CNTN3: variants seen among roughly 807,000 people sequenced by gnomAD.
The protein encoded by CNTN3 is contactin-3.
CNTN3 carries 60 observed loss-of-function variants against 119.1 expected under a neutral mutation model. The observed-to-expected ratio is 0.50, with a 90% confidence interval of 0.41 to 0.62. CNTN3 has a LOEUF of 0.62. Among genes scored for constraint, CNTN3 ranks in the 20% least tolerant of loss-of-function variants. CNTN3 has a pLI of 0.00. For synonymous variants in CNTN3, 450 were observed against 438.7 expected (o/e 1.03, Z -0.32); for missense variants, 1,101 against 1,242.4 (o/e 0.89, Z 1.71).
intron 5 of CNTN3, among the ~76,000 whole-genome samples, chr3:74,382,928 G>A (rs1316739037): frequency 2.6e-5 from 4 of 152,144 alleles, no homozygotes; most frequent in African/African-American, 9.6e-5. Context: ...ATCCTCCATT[G>A]TCATTATTTT....
At chr3:74,434,073 T>C (rs1342643833) in intron 4 of CNTN3, among the ~76,000 whole-genome samples, 1 of 152,202 alleles carries the variant, frequency 6.6e-6, no homozygotes, top group Non-Finnish European at 1.5e-5. Context: ...GGTGTCTGCA[T>C]TGCAGAGTTC....
chr3:74,343,714 T>C (rs575222211), intron 11 of CNTN3, among the ~76,000 whole-genome samples: 1 of 152,368 alleles, frequency 6.6e-6, no homozygotes, highest in Admixed American at 6.5e-5. Context: ...GCTAGACATA[T>C]AAGTTGGTAT....
intron 4 of CNTN3, among the ~76,000 whole-genome samples, chr3:74,446,921 C>A (rs910148321): frequency 1.3e-5 from 2 of 151,934 alleles, no homozygotes; most frequent in African/African-American, 4.8e-5. Context: ...ATGTTCTGTA[C>A]AAATGTTCCA....
intron 1 of CNTN3, among the ~76,000 whole-genome samples, chr3:74,561,962 T>A (rs894554303): frequency 1.3e-5 from 2 of 152,178 alleles, no homozygotes; most frequent in African/African-American, 4.8e-5. Flanking sequence ...AAAGGTTGCA[T>A]TGGATTTAGC....
At chr3:74,367,129 A>G (rs1262048167) in intron 8 of CNTN3, among the ~76,000 whole-genome samples, 1 of 151,964 alleles carries the variant, frequency 6.6e-6, no homozygotes, top group Non-Finnish European at 1.5e-5. Context: ...TATTTTTTAC[A>G]TGAAATATTA....
rs113108406 is a variant in CNTN3, at chr3:74,395,038, T to A, written c.455-23639A>T. Among the ~76,000 whole-genome samples the A allele has an allele frequency of 4.3e-4, 66 of 152,304 alleles. 1 individual carries two copies. The highest frequency in any genetic ancestry group is 8.3e-4 in the South Asian group (4 of 4,820). On this transcript the variant is annotated intron_variant, in intron 5 of 22. Coordinates refer to ENST00000263665, the MANE Select transcript of CNTN3 (RefSeq NM_020872.3). ...TATAAATTAATCTAATGATTTTTTT[T>A]AAATTGTAATAAACAAAGTGGCTTG...
intron 19 of CNTN3, among the ~76,000 whole-genome samples, chr3:74,291,048 C>T (rs186103126): frequency 2.0e-5 from 3 of 152,154 alleles, no homozygotes; most frequent in South Asian, 4.2e-4. Flanking sequence ...ATCCCTCCCC[C>T]CTTCCCCCAC....
intron 20 of CNTN3, among the ~76,000 whole-genome samples, chr3:74,276,904 G>C (rs1701891541): frequency 6.6e-6 from 1 of 152,026 alleles, no homozygotes; most frequent in Non-Finnish European, 1.5e-5. Context: ...ACAAAGAAGA[G>C]AGGAGAGAAA....
intron 21 of CNTN3, 65 bp downstream of exon 21, chr3:74,267,201 C>A: frequency 3.1e-6 from 3 of 961,712 alleles, no homozygotes; most frequent in South Asian, 1.3e-5. Context: ...TCACTTATAC[C>A]TAGCTTCTCT....
At chr3:74,464,114 T>C (rs918027943) in intron 4 of CNTN3, among the ~76,000 whole-genome samples, 1 of 152,128 alleles carries the variant, frequency 6.6e-6, no homozygotes, top group Non-Finnish European at 1.5e-5. Flanking sequence ...AATAGTAGGC[T>C]TTCAATACAG....
chr3:74,599,267 A>G (rs1196880043), intron 1 of CNTN3, among the ~76,000 whole-genome samples: 1 of 152,110 alleles, frequency 6.6e-6, no homozygotes, highest in Non-Finnish European at 1.5e-5. Context: ...CTGCTTTGAT[A>G]CTGCTCAATT....
intron 5 of CNTN3, among the ~76,000 whole-genome samples, chr3:74,409,531 T>C (rs1701404227): frequency 6.6e-6 from 1 of 152,114 alleles, no homozygotes; most frequent in Non-Finnish European, 1.5e-5. Flanking sequence ...TTTTTAACAG[T>C]ACTATTAATC....
intron 13 of CNTN3, among the ~76,000 whole-genome samples, chr3:74,334,373 A>G (rs1309678498): frequency 6.6e-6 from 1 of 152,164 alleles, no homozygotes; most frequent in Non-Finnish European, 1.5e-5. Context: ...CCTGGAGGAG[A>G]CACTTAGTAA....
chr3:74,386,481 G>T (rs1037912399), intron 5 of CNTN3, among the ~76,000 whole-genome samples: 3 of 152,172 alleles, frequency 2.0e-5, no homozygotes, highest in Non-Finnish European at 2.9e-5. Context: ...GGGCAAGGCT[G>T]CAGTGAACCA....
chr3:74,612,717 G>A (rs1309582123), intron 1 of CNTN3, among the ~76,000 whole-genome samples: 2 of 152,108 alleles, frequency 1.3e-5, no homozygotes, highest in African/African-American at 4.8e-5. Flanking sequence ...TGATCATTTT[G>A]GGGGTCCTCA....
At chr3:74,514,809 G>T (rs1269361146) in intron 2 of CNTN3, among the ~76,000 whole-genome samples, 1 of 152,014 alleles carries the variant, frequency 6.6e-6, no homozygotes, top group African/African-American at 2.4e-5. Context: ...ATATTCAAAG[G>T]AAGCAAAATG....
chr3:74,505,239 T>G (rs1200336778), intron 2 of CNTN3, among the ~76,000 whole-genome samples: 2 of 151,940 alleles, frequency 1.3e-5, no homozygotes, highest in Non-Finnish European at 2.9e-5. Flanking sequence ...GAATTGGGGA[T>G]GAGGGTGGGG....
At chr3:74,426,143 T>C (rs1701691458) in intron 4 of CNTN3, among the ~76,000 whole-genome samples, 1 of 152,170 alleles carries the variant, frequency 6.6e-6, no homozygotes, top group Non-Finnish European at 1.5e-5. Flanking sequence ...TTCCGTTGAC[T>C]TCATTTTTAA....
intron 1 of CNTN3, among the ~76,000 whole-genome samples, chr3:74,601,817 A>C (rs896846803): frequency 6.6e-6 from 1 of 152,116 alleles, no homozygotes; most frequent in Non-Finnish European, 1.5e-5. Flanking sequence ...ACAAGATCTT[A>C]AGAGACCTTG....
Sources: gnomAD v4.1 joint callset for allele counts (sites outside exome capture counted in the v4.1 genomes callset) on GRCh38, gnomAD v4.1.1 for gene constraint, MANE v1.5 for transcripts, NCBI Gene and HGNC (gene_info 2026-07-23, HGNC 2026-07-21) for gene names.